Variants in ANKS1B observed in about 807,000 individuals in gnomAD.
ANKS1B encodes the protein ankyrin repeat and sterile alpha motif domain containing 1B.
A neutral mutation model predicts 148.3 loss-of-function variants in ANKS1B; 36 were observed. The ratio of observed to expected loss-of-function variants is 0.24; its 90% CI spans 0.19 to 0.32. The LOEUF (loss-of-function observed/expected upper bound fraction) is 0.32, where lower values mean the gene tolerates loss of function less well. Among genes scored for constraint, ANKS1B ranks in the 10% least tolerant of loss-of-function variants. ANKS1B has a pLI of 1.00. For missense variants in ANKS1B, 1,157 were observed against 1,542.6 expected (o/e 0.75, Z 4.19); for synonymous variants, 542 against 560.8 (o/e 0.97, Z 0.47).
intron 8 of ANKS1B, among the ~76,000 whole-genome samples, chr12:99,666,331 G>C (rs2098506639): frequency 6.6e-6 from 1 of 152,142 alleles, no homozygotes; most frequent in African/African-American, 2.4e-5. Flanking sequence ...TGAAAAATTA[G>C]CCTGCTTGGA....
At chr12:99,671,399 A>G (rs994208411) in intron 8 of ANKS1B, among the ~76,000 whole-genome samples, 2 of 152,184 alleles carry the variant, frequency 1.3e-5, no homozygotes, top group African/African-American at 4.8e-5. Flanking sequence ...GATCAAAAAA[A>G]TGTGAAGAAG....
chr12:99,723,710 T>C (rs569307878), intron 8 of ANKS1B, among the ~76,000 whole-genome samples: 1 of 152,166 alleles, frequency 6.6e-6, no homozygotes, highest in East Asian at 1.9e-4. Flanking sequence ...CAAACAGGGG[T>C]TGTCAGACAT....
chr12:99,267,145 C>A (rs765543146), intron 12 of ANKS1B, among the ~76,000 whole-genome samples: 1 of 152,164 alleles, frequency 6.6e-6, no homozygotes, highest in Non-Finnish European at 1.5e-5. Context: ...CAGACATGTG[C>A]ATCACTATAA....
At chr12:99,403,697 G>A (rs111979393) in intron 11 of ANKS1B, among the ~76,000 whole-genome samples, 1,963 of 145,104 alleles carry the variant, frequency 0.014, 318 homozygotes, top group African/African-American at 0.05. Flanking sequence ...CTTATACACT[G>A]TTGATGGGAG....
intron 15 of ANKS1B, among the ~76,000 whole-genome samples, chr12:99,088,555 A>G (rs1286323891): frequency 6.6e-6 from 1 of 151,302 alleles, no homozygotes; most frequent in Non-Finnish European, 1.5e-5. Context: ...AAGAATATAT[A>G]TTTTTTTTTG....
intron 14 of ANKS1B, among the ~76,000 whole-genome samples, chr12:99,206,944 T>C (rs2082742489): frequency 6.6e-6 from 1 of 152,176 alleles, no homozygotes; most frequent in Admixed American, 6.6e-5. Flanking sequence ...TTTGATGAGT[T>C]TGTCTTAACT....
chr12:98,883,185 T>G (rs1190777926), intron 17 of ANKS1B, among the ~76,000 whole-genome samples: 1 of 152,238 alleles, frequency 6.6e-6, no homozygotes, highest in African/African-American at 2.4e-5. Context: ...GTATTAATTT[T>G]ATAACATCTG....
intron 1 of ANKS1B, among the ~76,000 whole-genome samples, chr12:99,844,415 T>C (rs113420177): frequency 2.6e-5 from 4 of 152,262 alleles, no homozygotes; most frequent in African/African-American, 9.6e-5. Context: ...TTGATTTTTG[T>C]ATAAAGTATA....
At position 99,364,087 on chromosome 12, in the gene ANKS1B, A is replaced by G. The variant is rs1477440295; in HGVS notation, c.1756+35544T>C. Among the ~76,000 whole-genome samples the G allele has an allele frequency of 3.3e-5, 5 of 152,182 alleles. No homozygotes were observed. The East Asian group carries it at 9.7e-4, about 30-fold the overall frequency. On this transcript the variant is annotated intron_variant, in intron 12 of 26. Coordinates refer to ENST00000683438, the MANE Select transcript of ANKS1B (RefSeq NM_001352186.2). ...ACTTCTGTCTCCAAGAATGCCCCCA[A>G]AAGGAGAGAGTCCAATCAGTACCAC...
rs551406136 is a variant in ANKS1B at position 98,782,114 on chromosome 12, A to C, written c.3354+12T>G. 8.8e-6 allele frequency: 14 copies of C among 1,597,182 alleles called. No individual in the cohort carries two copies. The South Asian group carries it at 1.5e-4, about 17-fold the overall frequency. On this transcript the variant is annotated intron_variant, in intron 23 of 26. Transcript: ENST00000683438. ...CTAGTAATAATCACACTAAACATCA[A>C]GAAGAACCTACCTGACAGTTAGCCT...
chr12:99,338,575 C>T (rs1224398927), intron 12 of ANKS1B, among the ~76,000 whole-genome samples: 2 of 152,188 alleles, frequency 1.3e-5, no homozygotes, highest in Admixed American at 6.5e-5. Context: ...ATTCTTCCCT[C>T]TCCTTTCTTA....
chr12:98,892,230 T>C (rs572374724), intron 17 of ANKS1B, among the ~76,000 whole-genome samples: 1 of 152,328 alleles, frequency 6.6e-6, no homozygotes, highest in East Asian at 1.9e-4. Flanking sequence ...TTTATTTCAA[T>C]ATAAGATTTT....
At chr12:99,953,524 T>C (rs935031789) in intron 1 of ANKS1B, among the ~76,000 whole-genome samples, 1 of 151,270 alleles carries the variant, frequency 6.6e-6, no homozygotes, top group African/African-American at 2.4e-5. Flanking sequence ...CTGAGATAAG[T>C]GAGAGGAGAA....
intron 1 of ANKS1B, among the ~76,000 whole-genome samples, chr12:99,922,937 A>AT (rs1338724146): frequency 2.3e-5 from 3 of 130,510 alleles, no homozygotes; most frequent in Admixed American, 1.5e-4. Flanking sequence ...CTCCAGAACT[A>AT]TAAAAAAAAA....
At chr12:98,824,644 C>T (rs2099232559) in intron 19 of ANKS1B, among the ~76,000 whole-genome samples, 1 of 152,100 alleles carries the variant, frequency 6.6e-6, no homozygotes, top group Admixed American at 6.5e-5. Context: ...CAGAAAGAAA[C>T]CAAATCAGAA....
chr12:99,240,943 C>G (rs1272847069), intron 14 of ANKS1B, among the ~76,000 whole-genome samples: 1 of 152,084 alleles, frequency 6.6e-6, no homozygotes, highest in Non-Finnish European at 1.5e-5. Flanking sequence ...CAAGAGAAAG[C>G]AGGAAAGATC....
intron 11 of ANKS1B, among the ~76,000 whole-genome samples, chr12:99,404,021 T>C (rs999932602): frequency 6.8e-6 from 1 of 146,420 alleles, no homozygotes; most frequent in Non-Finnish European, 1.5e-5. Flanking sequence ...ATCATGTCCT[T>C]TTCAGGAACA....
At chr12:99,841,097 C>G (rs1054282931) in intron 1 of ANKS1B, among the ~76,000 whole-genome samples, 1 of 152,110 alleles carries the variant, frequency 6.6e-6, no homozygotes, top group Non-Finnish European at 1.5e-5. Flanking sequence ...CTAACTACTC[C>G]GTGCCTCAGT....
chr12:99,554,883 TG>T (rs1265678692), intron 9 of ANKS1B, among the ~76,000 whole-genome samples: 1 of 152,188 alleles, frequency 6.6e-6, no homozygotes, highest in African/African-American at 2.4e-5. Flanking sequence ...CAGTATCTGT[TG>T]TTCCCTTCTT....
Sources: gnomAD v4.1 joint callset for allele counts (sites outside exome capture counted in the v4.1 genomes callset) on GRCh38, gnomAD v4.1.1 for gene constraint, MANE v1.5 for transcripts, NCBI Gene and HGNC (gene_info 2026-07-23, HGNC 2026-07-21) for gene names.